Variants in FFAR4 observed in about 807,000 individuals in gnomAD.
FFAR4 encodes G-protein coupled receptor 120.
A neutral mutation model predicts 27.0 loss-of-function variants in FFAR4; 19 were observed. The ratio of observed to expected loss-of-function variants is 0.70; its 90% confidence interval spans 0.49 to 1.03. FFAR4 has a LOEUF of 1.03. FFAR4 is among the 50% of genes least tolerant of loss of function. The pLI is 0.00. For missense variants in FFAR4, 476 were observed against 479.0 expected, an observed-to-expected ratio of 0.99 and a Z score of 0.06; for synonymous variants, 254 against 215.6, an observed-to-expected ratio of 1.18 and a Z score of -1.56.
chr10:93,587,703 T>C lies in FFAR4; in HGVS notation c.*94T>C. The C allele has an allele frequency of 8.2e-7, 1 of 1,222,890 alleles. No homozygotes were observed. The highest frequency in any genetic ancestry group is 1.1e-6 in the Non-Finnish European group (1 of 875,538). The allele number at this position is 1,222,890 out of a possible 1,614,324, so 75.8% of individuals were successfully genotyped here. ...AGTACCCTCCATCAGTGCACCCTGC[T>C]TTAAGAAAATGAACCTATGCAAATA... On this transcript the variant is annotated 3_prime_UTR_variant, in exon 3 of 3. Coordinates refer to ENST00000371481, the MANE Select transcript of FFAR4 (RefSeq NM_001195755.2).
In FFAR4 at chr10:93,589,769, A is replaced by C. The variant is rs999426331; in HGVS notation, c.*2160A>C. 5.9e-5 allele frequency: 9 copies of C among 152,206 alleles called. 1 individual carries two copies. The highest frequency in any genetic ancestry group is 4.6e-4 in the Admixed American group (7 of 15,276). 9.4% of individuals were successfully genotyped at this position (152,206 alleles called of 1,614,324 possible). On this transcript the variant is annotated 3_prime_UTR_variant, in exon 3 of 3. Coordinates refer to ENST00000371481, the MANE Select transcript of FFAR4 (RefSeq NM_001195755.2). ...TTATAGACCTATGGTTTTATAATACATCCCTTGGAGAGATAGAGAGAAACC... is the reference window on the plus strand; with the variant it reads ...TTATAGACCTATGGTTTTATAATACCTCCCTTGGAGAGATAGAGAGAAACC...
chr10:93,582,041 C>G (rs985821675), intron 2 of FFAR4, among the ~76,000 whole-genome samples: 2 of 152,180 alleles, frequency 1.3e-5, no homozygotes, highest in African/African-American at 4.8e-5. Flanking sequence ...GTTAATTGAG[C>G]ATTTAGTTTA....
chr10:93,580,564 A>G (rs2058191302), intron 2 of FFAR4, among the ~76,000 whole-genome samples: 1 of 152,226 alleles, frequency 6.6e-6, no homozygotes, highest in Admixed American at 6.5e-5. Flanking sequence ...TATTATGCCA[A>G]TATACTTTGA....
intron 2 of FFAR4, among the ~76,000 whole-genome samples, chr10:93,579,681 A>G (rs1052749891): frequency 1.3e-5 from 2 of 152,222 alleles, no homozygotes; most frequent in African/African-American, 4.8e-5. Context: ...AGCCTGGCTC[A>G]TTCATTGTAG....
rs1159785829 is a variant in FFAR4, at chr10:93,566,734, G to A, written c.14G>A (p.Cys5Tyr). 6.3e-7 allele frequency: 1 copy of A among 1,596,346 alleles called. No homozygotes were observed. Among genetic ancestry groups the A allele is most frequent in the Non-Finnish European group, 8.5e-7 (1 of 1,174,966 alleles). Residue 5 changes from cysteine (C) to tyrosine (Y), a missense_variant, in exon 1 of 3, where the codon TGC becomes TAC. Physicochemically the swap from Cys to Tyr is radical, Grantham distance 194. Transcript: ENST00000371481. MSPE[C>Y]ARAAGDAPLR... ...CAGGCGCCGGGAATGTCCCCTGAAT[G>A]CGCGCGGGCAGCGGGCGACGCGCCC...
chr10:93,567,102 A>C lies in FFAR4; in HGVS notation c.382A>C (p.Thr128Pro), dbSNP rs1459598835. 6.2e-7 allele frequency: 1 copy of C among 1,608,442 alleles called. No homozygotes were observed. Among genetic ancestry groups the C allele is most frequent in the Non-Finnish European group, 8.5e-7 (1 of 1,178,606 alleles). Residue 128 changes from threonine to proline, a missense_variant, in exon 1 of 3, where the codon ACG becomes CCG. Transcript: ENST00000371481. Reference protein sequence around the residue: ...MTLSGSVTILTLAAVSLERMV... With the variant: ...MTLSGSVTILPLAAVSLERMV... Reference sequence around the variant, plus strand: ...CCTGAGCGGCAGCGTCACCATCCTCACGCTGGCCGCGGTCAGCCTGGAGCG... The same window carrying C: ...CCTGAGCGGCAGCGTCACCATCCTCCCGCTGGCCGCGGTCAGCCTGGAGCG...
chr10:93,585,282 T>C (rs1385795408), intron 2 of FFAR4, among the ~76,000 whole-genome samples: 1 of 152,064 alleles, frequency 6.6e-6, no homozygotes, highest in Non-Finnish European at 1.5e-5. Context: ...GCTCCACTGG[T>C]AGGAATTTAT....
chr10:93,573,877 T>A (rs2058146596), intron 1 of FFAR4, among the ~76,000 whole-genome samples: 1 of 152,234 alleles, frequency 6.6e-6, no homozygotes, highest in Non-Finnish European at 1.5e-5. Context: ...TGGTGGTCTG[T>A]GTTTCATGTT....
Position 93,587,776 on chromosome 10 carries a change from A to T in FFAR4, c.*167A>T, listed in dbSNP as rs1236810756. ...TAAGGGGTGATCACCAAGTTTCATA[A>T]TATTTTCCCTTTATAAAAGGATTTG... On this transcript the variant is annotated 3_prime_UTR_variant, in exon 3 of 3. Transcript: ENST00000371481. 3 of 671,932 alleles carry T rather than the reference A, an allele frequency of 4.5e-6. No individual in the cohort carries two copies. The highest frequency in any genetic ancestry group is 7.4e-6 in the Non-Finnish European group (3 of 403,158). The allele number at this position is 671,932 out of a possible 1,614,324, so 41.6% of individuals were successfully genotyped here. A position where few individuals can be genotyped will look rare whatever the true frequency, so the allele number is the denominator to read the frequency against.
At chr10:93,582,693 C>A (rs2058205241) in intron 2 of FFAR4, among the ~76,000 whole-genome samples, 1 of 152,182 alleles carries the variant, frequency 6.6e-6, no homozygotes, top group African/African-American at 2.4e-5. Context: ...GCTCCCATCC[C>A]CCAAGGAACC....
chr10:93,582,305 G>GT (rs2058202264), intron 2 of FFAR4, among the ~76,000 whole-genome samples: 1 of 152,024 alleles, frequency 6.6e-6, no homozygotes, highest in Non-Finnish European at 1.5e-5. Flanking sequence ...AGTACTTTGG[G>GT]AGGCCAAGGC....
rs757687502 is a variant in FFAR4 at position 93,587,482 on chromosome 10, T to A, written c.959T>A (p.Leu320His). 4 of 1,614,116 alleles carry A rather than the reference T, an allele frequency of 2.5e-6. No homozygotes were observed. The highest frequency in any genetic ancestry group is 3.4e-6 in the Non-Finnish European group (4 of 1,180,034). The change falls in exon 3 of 3, where the codon CTC becomes CAC. Residue 320 changes from leucine (L) to histidine (H), a missense_variant. Leu to His is a moderately conservative substitution (Grantham distance 99). Coordinates refer to ENST00000371481, the MANE Select transcript of FFAR4 (RefSeq NM_001195755.2). ...GCTAATTCAGCCCTAAACCCCATCC[T>A]CTACAACATGACACTGTGCAGGAAT... is the stretch of plus-strand genomic sequence containing the variant. ...TFANSALNPI[L>H]YNMTLCRNEW... is the part of the protein sequence containing the mutation.
At chr10:93,572,574 T>C (rs924374960) in intron 1 of FFAR4, among the ~76,000 whole-genome samples, 3 of 151,980 alleles carry the variant, frequency 2.0e-5, no homozygotes, top group Non-Finnish European at 4.4e-5. Context: ...GAAAATGCAA[T>C]AGGTGGATAA....
rs61620214 is a variant in FFAR4, at chr10:93,582,477, G to A, written c.697-4743G>A. ...GAGAATTGCTTAAACCTGGGAGGTG[G>A]AGGTTGCGGTGAGCCGAGATCACAC... On this transcript the variant is annotated intron_variant, in intron 2 of 2. Transcript: ENST00000371481. Among the ~76,000 whole-genome samples, 450 of 150,644 alleles carry A rather than the reference G, an allele frequency of 3.0e-3. 1 individual carries two copies. Among genetic ancestry groups the A allele is most frequent in the African/African-American group, 0.011 (436 of 40,888 alleles).
chr10:93,575,950 G>A, intron 1 of FFAR4, 141 bp from the exon 2 acceptor site: 2 of 732,882 alleles, frequency 2.7e-6, no homozygotes, highest in Non-Finnish European at 4.6e-6. Context: ...GCAGTGGGAG[G>A]GATTCTGGGG....
At chr10:93,576,753 C>T (rs2058166459) in intron 2 of FFAR4, among the ~76,000 whole-genome samples, 1 of 152,156 alleles carries the variant, frequency 6.6e-6, no homozygotes, top group African/African-American at 2.4e-5. Flanking sequence ...ATCTCTAACT[C>T]ATTATTTTTA....
Position 93,566,718 on chromosome 10 carries a change from G to T in FFAR4, c.-3G>T. 1 of 1,577,612 alleles carries T rather than the reference G, an allele frequency of 6.3e-7. No homozygotes were observed. Among genetic ancestry groups the T allele is most frequent in the Middle Eastern group, 1.7e-4 (1 of 5,952 alleles). On this transcript the variant is annotated 5_prime_UTR_variant, in exon 1 of 3. Coordinates refer to ENST00000371481, the MANE Select transcript of FFAR4 (RefSeq NM_001195755.2). ...GACCGCTGCGGGCCGCCAGGCGCCG[G>T]GAATGTCCCCTGAATGCGCGCGGGC...
intron 2 of FFAR4, among the ~76,000 whole-genome samples, chr10:93,585,607 G>A (rs1358974522): frequency 6.6e-6 from 1 of 152,226 alleles, no homozygotes; most frequent in Non-Finnish European, 1.5e-5. Context: ...CAGAGAAGGA[G>A]GATGGGCTGC....
intron 2 of FFAR4, among the ~76,000 whole-genome samples, chr10:93,581,529 G>A (rs777925528): frequency 6.6e-6 from 1 of 152,200 alleles, no homozygotes; most frequent in African/African-American, 2.4e-5. Flanking sequence ...CGGTCTGCTG[G>A]CATGGGGTGG....
Sources: allele counts gnomAD v4.1 joint callset (sites outside exome capture counted in the v4.1 genomes callset), GRCh38; gene constraint gnomAD v4.1.1; transcripts MANE v1.5; gene names NCBI Gene and HGNC (gene_info 2026-07-23, HGNC 2026-07-21).